The following CLIC5 variants were observed in gnomAD, a reference collection of about 807,000 sequenced individuals.
The protein encoded by CLIC5 is CLIC family member 5.
Under a neutral mutation model 24.7 loss-of-function variants are expected in CLIC5, and 20 were observed. The observed-to-expected ratio is 0.81, with a 90% CI of 0.57 to 1.18. The LOEUF (loss-of-function observed/expected upper bound fraction) is 1.18. Ranked by LOEUF, CLIC5 falls within the 50% of genes most tolerant of loss-of-function variation. The pLI, the probability that CLIC5 is intolerant of heterozygous loss-of-function variation, is 0.00. For missense variants in CLIC5, 341 were observed against 326.1 expected, an observed-to-expected ratio of 1.05 and a Z score of -0.35; for synonymous variants, 159 against 135.6, an observed-to-expected ratio of 1.17 and a Z score of -1.20.
At chr6:45,939,282 C>T (rs965422263) in intron 4 of CLIC5, among the ~76,000 whole-genome samples, 4 of 135,534 alleles carry the variant, frequency 3.0e-5, no homozygotes, top group Admixed American at 7.8e-5. Context: ...AGTGTGATCT[C>T]GGCTCATTGC....
downstream of CLIC5, among the ~76,000 whole-genome samples, chr6:45,897,436 G>C (rs1408362447): frequency 2.6e-5 from 4 of 152,020 alleles, no homozygotes; most frequent in Non-Finnish European, 5.9e-5. Context: ...TAGGGTGGGG[G>C]AGTAGGGAGG....
rs542131624 is a variant in CLIC5 at position 45,948,370 on chromosome 6, T to C, written c.299+886A>G. ...GTCACCAATGGCTCCCCAGAATTAATTCCTCTATCTCCAGCTTCATGGTCC... is the reference window on the plus strand; with the variant it reads ...GTCACCAATGGCTCCCCAGAATTAACTCCTCTATCTCCAGCTTCATGGTCC... On this transcript the variant is annotated intron_variant, in intron 3 of 5. Transcript: ENST00000339561. 7.9e-5 allele frequency among the ~76,000 whole-genome samples: 12 copies of C among 152,240 alleles called. No individual in the cohort carries two copies. The South Asian group carries it at 2.5e-3, about 32-fold the overall frequency.
the CLIC5 span, among the ~76,000 whole-genome samples, chr6:46,101,710 G>T: frequency 6.6e-6 from 1 of 152,186 alleles, no homozygotes; most frequent in African/African-American, 2.4e-5. Flanking sequence ...AACTTCAGCA[G>T]GAGTGACTGC....
At chr6:45,911,002 A>T (rs1762800405) in intron 5 of CLIC5, among the ~76,000 whole-genome samples, 1 of 152,206 alleles carries the variant, frequency 6.6e-6, no homozygotes, top group Admixed American at 6.5e-5. Flanking sequence ...ACATAGCAGG[A>T]ACTCTGCTTT....
intron 1 of CLIC5, among the ~76,000 whole-genome samples, chr6:46,075,516 T>C (rs564070300): frequency 2.6e-5 from 4 of 152,262 alleles, no homozygotes; most frequent in Admixed American, 1.3e-4. Context: ...GCCCAGGAGA[T>C]TGAGGCTGCA....
chr6:46,046,389 A>G (rs1767952858), intron 1 of CLIC5, among the ~76,000 whole-genome samples: 1 of 152,228 alleles, frequency 6.6e-6, no homozygotes, highest in East Asian at 1.9e-4. Flanking sequence ...AAGAAACGAA[A>G]TGAAGTGTCA....
intron 1 of CLIC5, among the ~76,000 whole-genome samples, 189 bp downstream of exon 1, chr6:46,015,291 G>C (rs989106244): frequency 2.0e-5 from 3 of 152,216 alleles, no homozygotes; most frequent in African/African-American, 7.2e-5. Context: ...CCACCTGCCG[G>C]AACCTGCCTT....
intron 1 of CLIC5, among the ~76,000 whole-genome samples, chr6:46,012,633 G>A (rs1356382892): frequency 6.6e-6 from 1 of 152,208 alleles, no homozygotes; most frequent in South Asian, 2.1e-4. Context: ...TTGGAAAAGA[G>A]CAAGAAATTC....
At chr6:46,101,656 T>C in the CLIC5 span, among the ~76,000 whole-genome samples, 3 of 152,212 alleles carry the variant, frequency 2.0e-5, no homozygotes, top group African/African-American at 7.2e-5. Flanking sequence ...TCCTGATTTC[T>C]CAGAAGGTCA....
intron 1 of CLIC5, among the ~76,000 whole-genome samples, chr6:45,973,658 G>A (rs1460320675): frequency 6.6e-6 from 1 of 152,192 alleles, no homozygotes; most frequent in East Asian, 1.9e-4. Context: ...AGAATAGGTG[G>A]CCGGGCACAG....
Position 46,000,500 on chromosome 6 carries a change from T to C in CLIC5, c.63+14980A>G, listed in dbSNP as rs543666415. 4.1e-4 allele frequency among the ~76,000 whole-genome samples: 62 copies of C among 152,288 alleles called. 1 individual carries two copies. The South Asian group carries it at 7.5e-3, about 18-fold the overall frequency. On this transcript the variant is annotated intron_variant, in intron 1 of 5. Transcript: ENST00000339561. ...AAGGAGCAGAGCCATGCATGGATGG[T>C]CTTTGTCTTTCATCCCTGGTGTATT...
chr6:45,883,486 C>CA (rs1450495115), intron 6 of CLIC5, among the ~76,000 whole-genome samples: 1 of 152,158 alleles, frequency 6.6e-6, no homozygotes, highest in Non-Finnish European at 1.5e-5. Flanking sequence ...GCTGTGCTCA[C>CA]AGAGTGATGG....
At chr6:46,026,925 G>C (rs1767347195) in intron 1 of CLIC5, among the ~76,000 whole-genome samples, 1 of 152,082 alleles carries the variant, frequency 6.6e-6, no homozygotes. Flanking sequence ...AGATGAGATA[G>C]CACCAACTGC....
At chr6:46,027,090 A>C (rs1767351867) in intron 1 of CLIC5, among the ~76,000 whole-genome samples, 1 of 152,208 alleles carries the variant, frequency 6.6e-6, no homozygotes, top group African/African-American at 2.4e-5. Flanking sequence ...ACAGTTGTGA[A>C]CATCCTGTGC....
chr6:45,935,699 C>G (rs1490466802), intron 4 of CLIC5, among the ~76,000 whole-genome samples: 1 of 152,176 alleles, frequency 6.6e-6, no homozygotes, highest in Non-Finnish European at 1.5e-5. Context: ...GGTTCCTGAT[C>G]CAGTTCCCTA....
intron 4 of CLIC5, among the ~76,000 whole-genome samples, chr6:45,929,040 C>G (rs964519772): frequency 1.3e-5 from 2 of 152,104 alleles, no homozygotes; most frequent in Admixed American, 1.3e-4. Flanking sequence ...TTGGTGGTCT[C>G]CGCTCTACTC....
At chr6:45,947,618 G>A (rs144385626) in intron 3 of CLIC5, among the ~76,000 whole-genome samples, 95 of 152,280 alleles carry the variant, frequency 6.2e-4, no homozygotes, top group African/African-American at 1.3e-3. Flanking sequence ...TGTTAACTGC[G>A]TCATGAACTT....
chr6:45,971,941 T>C (rs1406949152), intron 1 of CLIC5, among the ~76,000 whole-genome samples: 1 of 152,174 alleles, frequency 6.6e-6, no homozygotes, highest in African/African-American at 2.4e-5. Context: ...ATGAGTTTCT[T>C]CTACTAAGTT....
intron 4 of CLIC5, among the ~76,000 whole-genome samples, chr6:45,924,127 C>A: frequency 6.6e-6 from 1 of 152,176 alleles, no homozygotes; most frequent in East Asian, 1.9e-4. Flanking sequence ...CTTAGAGCTG[C>A]AAGAAAAAAG....
Sources: gnomAD v4.1 joint callset for allele counts (sites outside exome capture counted in the v4.1 genomes callset) on GRCh38, gnomAD v4.1.1 for gene constraint, MANE v1.5 for transcripts, NCBI Gene and HGNC (gene_info 2026-07-23, HGNC 2026-07-21) for gene names.